Variants in DNASE1 observed in about 807,000 individuals in gnomAD.
The protein encoded by DNASE1 is deoxyribonuclease-1.
DNASE1 carries 40 observed loss-of-function variants against 33.9 expected under a neutral mutation model. The observed-to-expected ratio is 1.18, with a 90% CI of 0.92 to 1.54. The LOEUF is 1.54. Ranked by LOEUF, DNASE1 falls within the 40% of genes most tolerant of loss-of-function variation. The pLI is 0.00. For missense variants in DNASE1, 518 were observed against 372.6 expected (o/e 1.39, Z -3.21); for synonymous variants, 216 against 160.0 (o/e 1.35, Z -2.64).
intron 1 of DNASE1, among the ~76,000 whole-genome samples, chr16:3,620,534 GTAAT>G (rs1227351015): frequency 6.7e-6 from 1 of 150,224 alleles, no homozygotes; most frequent in Non-Finnish European, 1.5e-5. Context: ...AAAAAAAAAA[GTAAT>G]TATACTATGC....
intron 1 of DNASE1, among the ~76,000 whole-genome samples, chr16:3,620,983 A>G (rs57280979): frequency 0.011 from 1,655 of 152,150 alleles, 28 homozygotes; most frequent in African/African-American, 0.038. Context: ...TATTTTTAGT[A>G]GAGACGGGGT....
intron 1 of DNASE1, among the ~76,000 whole-genome samples, chr16:3,634,711 C>T (rs959575085): frequency 1.8e-4 from 27 of 151,090 alleles, no homozygotes; most frequent in Non-Finnish European, 1.5e-4. Flanking sequence ...GACAGGGTCT[C>T]GCTATGTTGC....
intron 4 of DNASE1, 90 bp downstream of exon 4, chr16:3,656,275 A>G (rs1596649993): frequency 1.4e-6 from 2 of 1,388,270 alleles, no homozygotes; most frequent in Non-Finnish European, 2.0e-6. Context: ...AGTTTGTCCT[A>G]TGGCAAGAAC....
At chr16:3,635,457 CAAAAAAA>C (rs753495578) in intron 1 of DNASE1, among the ~76,000 whole-genome samples, 13 of 59,692 alleles carry the variant, frequency 2.2e-4, no homozygotes, top group African/African-American at 6.5e-4. Flanking sequence ...GACTCTGTCT[CAAAAAAA>C]AAAAAAAAAA....
upstream of DNASE1, chr16:3,640,899 A>G: frequency 2.5e-6 from 1 of 398,152 alleles, no homozygotes; most frequent in Non-Finnish European, 4.4e-6. Context: ...GGAGCCCGTC[A>G]CCCATGAGCT....
chr16:3,653,953 A>C (rs1300946251), upstream of DNASE1: 1 of 155,240 alleles, frequency 6.4e-6, no homozygotes, highest in Non-Finnish European at 1.4e-5. Context: ...TACCAAAAAA[A>C]TTTAAAAATT....
chr16:3,662,808 C>T, downstream of DNASE1: 1 of 1,465,028 alleles, frequency 6.8e-7, no homozygotes, highest in Non-Finnish European at 9.5e-7. Context: ...GGGCCAGGTA[C>T]TGGGAGCCAC....
chr16:3,660,222 T>C (rs1323478668), downstream of DNASE1: 1 of 152,256 alleles, frequency 6.6e-6, no homozygotes, highest in African/African-American at 2.4e-5. Context: ...ACATAATCTC[T>C]GCAGAAATAC....
chr16:3,623,064 C>G (rs1440220477), intron 1 of DNASE1, among the ~76,000 whole-genome samples: 1 of 152,116 alleles, frequency 6.6e-6, no homozygotes, highest in Admixed American at 6.6e-5. Flanking sequence ...AAAAAATTAG[C>G]TGGGCATGGT....
intron 1 of DNASE1, among the ~76,000 whole-genome samples, chr16:3,637,416 G>T (rs1415471374): frequency 6.6e-6 from 1 of 152,198 alleles, no homozygotes; most frequent in Non-Finnish European, 1.5e-5. Flanking sequence ...CTAGGTCTCA[G>T]TCTTTTTGTG....
intron 1 of DNASE1, among the ~76,000 whole-genome samples, chr16:3,619,586 C>G (rs1274682981): frequency 2.6e-5 from 4 of 151,766 alleles, no homozygotes; most frequent in African/African-American, 9.7e-5. Flanking sequence ...TGGTCTCTAT[C>G]TGCGGACCTT....
downstream of DNASE1, chr16:3,661,719 C>T (rs887834317): frequency 1.8e-5 from 7 of 388,904 alleles, no homozygotes; most frequent in Non-Finnish European, 3.2e-5. Context: ...AGGACACGCA[C>T]AGGTGGCAAA....
chr16:3,657,866 A>G, intron 8 of DNASE1, 40 bp from the exon 9 acceptor site: 1 of 1,614,006 alleles, frequency 6.2e-7, no homozygotes, highest in South Asian at 1.1e-5. Flanking sequence ...ACAGGAGCTC[A>G]GGTAGGCTCA....
intron 1 of DNASE1, among the ~76,000 whole-genome samples, chr16:3,624,849 T>G (rs2041453049): frequency 6.6e-6 from 1 of 152,174 alleles, no homozygotes; most frequent in Admixed American, 6.5e-5. Context: ...CCAGCACACC[T>G]GGCTAATTTT....
intron 1 of DNASE1, among the ~76,000 whole-genome samples, chr16:3,625,260 C>T (rs186358008): frequency 1.6e-4 from 24 of 152,046 alleles, no homozygotes; most frequent in Admixed American, 4.6e-4. Flanking sequence ...GAGCCGAGAT[C>T]GTACCACTGC....
intron 1 of DNASE1, among the ~76,000 whole-genome samples, chr16:3,614,549 C>T (rs975103592): frequency 6.6e-6 from 1 of 152,128 alleles, no homozygotes; most frequent in Admixed American, 6.6e-5. Flanking sequence ...TTAAATAATT[C>T]CATCACGCTT....
chr16:3,614,952 C>T (rs887058638), intron 1 of DNASE1, among the ~76,000 whole-genome samples: 2 of 152,088 alleles, frequency 1.3e-5, no homozygotes, highest in Admixed American at 1.3e-4. Flanking sequence ...TACCTCTCTC[C>T]CCCAACCCCA....
chr16:3,662,976 G>A (rs540680238), downstream of DNASE1: 3 of 1,601,350 alleles, frequency 1.9e-6, no homozygotes, highest in African/African-American at 1.3e-5. Flanking sequence ...GGCTGCGGAA[G>A]AGCAGGCGAC....
At chr16:3,659,160 A>G (rs1596671878), downstream of DNASE1, 5 of 315,488 alleles carry the variant, frequency 1.6e-5, no homozygotes, top group Non-Finnish European at 2.9e-5. Flanking sequence ...TTCCTAGATA[A>G]ATAATAAAAG....
Sources: gnomAD v4.1 joint callset for allele counts (sites outside exome capture counted in the v4.1 genomes callset) on GRCh38, gnomAD v4.1.1 for gene constraint, MANE v1.5 for transcripts, NCBI Gene and HGNC (gene_info 2026-07-23, HGNC 2026-07-21) for gene names.